Variants in CDH4 observed in about 807,000 individuals in gnomAD.
CDH4 encodes the protein cadherin 4, also known as cadherin-4.
Under a neutral mutation model 86.0 loss-of-function variants are expected in CDH4, and 33 were observed. The ratio of observed to expected loss-of-function variants is 0.38; its 90% CI spans 0.29 to 0.51. The LOEUF (loss-of-function observed/expected upper bound fraction) is 0.51. Among genes scored for constraint, CDH4 ranks in the 20% least tolerant of loss-of-function variants. The pLI is 0.86. For missense variants in CDH4, 1,114 were observed against 1,307.4 expected (o/e 0.85, Z 2.28); for synonymous variants, 555 against 549.4 (o/e 1.01, Z -0.14).
At chr20:61,294,540 C>T (rs1424278617) in intron 2 of CDH4, among the ~76,000 whole-genome samples, 1 of 152,250 alleles carries the variant, frequency 6.6e-6, no homozygotes, top group Non-Finnish European at 1.5e-5. Flanking sequence ...GGAAAGGCTG[C>T]AGAACTGGCC....
intron 3 of CDH4, among the ~76,000 whole-genome samples, chr20:61,761,296 A>G (rs966652503): frequency 2.6e-5 from 4 of 152,230 alleles, no homozygotes; most frequent in African/African-American, 9.7e-5. Flanking sequence ...GAACAGGAAG[A>G]CTGCGAATCA....
intron 2 of CDH4, among the ~76,000 whole-genome samples, chr20:61,260,486 C>T (rs1329148318): frequency 1.3e-5 from 2 of 152,290 alleles, no homozygotes; most frequent in African/African-American, 4.8e-5. Flanking sequence ...GGGGGTTTTG[C>T]CTCTGGTCAC....
intron 2 of CDH4, chr20:61,369,779 G>A (rs1366613324): frequency 6.6e-6 from 1 of 152,158 alleles, no homozygotes; most frequent in South Asian, 2.1e-4. Flanking sequence ...GGGCTCGGGG[G>A]CACTTCAGAC....
At position 61,518,426 on chromosome 20, in the gene CDH4, TGTCATCCACTCATCATCCATCATCC is replaced by T. The variant is rs780986677; in HGVS notation, c.170-225127_170-225103del. Among the ~76,000 whole-genome samples the T allele has an allele frequency of 3.3e-5, 5 of 152,106 alleles. No individual in the cohort carries two copies. Among genetic ancestry groups the T allele is most frequent in the Admixed American group, 6.5e-5 (1 of 15,282 alleles). ...ATGATGAGGCTGTCCATCATCCATC[TGTCATCCACTCATCATCCATCATCC>T]GTCATCCACCCATCGTCCATCCATC... is the stretch of plus-strand genomic sequence containing the variant. On this transcript the variant is annotated intron_variant, in intron 2 of 15. Transcript: ENST00000614565. This position sits in a 1 kb window ranked among gnomAD's most constrained non-coding sequence, Gnocchi z 6.3.
intron 4 of CDH4, among the ~76,000 whole-genome samples, chr20:61,804,091 C>T (rs894554037): frequency 7.2e-5 from 11 of 152,228 alleles, no homozygotes; most frequent in African/African-American, 1.7e-4. Context: ...TAAGGAGGCA[C>T]GACAGAAAAC....
intron 3 of CDH4, among the ~76,000 whole-genome samples, chr20:61,755,626 A>G (rs963299314): frequency 2.7e-5 from 4 of 150,046 alleles, no homozygotes; most frequent in Non-Finnish European, 4.4e-5. Context: ...ACCCACACAC[A>G]TGCCCCACAC....
chr20:61,812,907 G>T (rs569989523), intron 4 of CDH4, among the ~76,000 whole-genome samples: 8 of 152,258 alleles, frequency 5.3e-5, no homozygotes, highest in Admixed American at 4.6e-4. Flanking sequence ...AATCACAGCC[G>T]CCTGGTAACA....
chr20:61,496,765 T>C (rs1434314345), intron 2 of CDH4, among the ~76,000 whole-genome samples: 1 of 152,214 alleles, frequency 6.6e-6, no homozygotes, highest in African/African-American at 2.4e-5. Flanking sequence ...GCCACTGCTG[T>C]GATTTCTTCA....
intron 2 of CDH4, among the ~76,000 whole-genome samples, chr20:61,566,345 C>T (rs1005381782): frequency 5.9e-5 from 9 of 152,154 alleles, no homozygotes; most frequent in Admixed American, 2.0e-4. Context: ...GGAAAACATT[C>T]TTATTTTCTC....
At chr20:61,254,231 C>T (rs565263262) in intron 1 of CDH4, among the ~76,000 whole-genome samples, 2 of 152,162 alleles carry the variant, frequency 1.3e-5, no homozygotes, top group African/African-American at 2.4e-5. Flanking sequence ...GGTGGAAGCG[C>T]CCCCACTGCC....
Position 61,611,831 on chromosome 20 carries a change from C to A in CDH4, c.170-131732C>A, listed in dbSNP as rs935777128. Reference sequence around the variant, plus strand: ...TGAGCTCTCAAAAATGACTCTCCCACGTCTTGGGCTCCACCAGGGCTTCAC... The same window carrying A: ...TGAGCTCTCAAAAATGACTCTCCCAAGTCTTGGGCTCCACCAGGGCTTCAC... On this transcript the variant is annotated intron_variant, in intron 2 of 15. Coordinates refer to ENST00000614565, the MANE Select transcript of CDH4 (RefSeq NM_001794.5). 1.1e-3 allele frequency among the ~76,000 whole-genome samples: 173 copies of A among 152,054 alleles called. 4 individuals are homozygous for A. Among genetic ancestry groups the A allele is most frequent in the Admixed American group, 0.011 (167 of 15,284 alleles).
chr20:61,921,393 G>GT (rs1568889055), intron 9 of CDH4, among the ~76,000 whole-genome samples: 2 of 152,236 alleles, frequency 1.3e-5, no homozygotes, highest in East Asian at 1.9e-4. Flanking sequence ...GCAGGAGTAC[G>GT]TTTTTTTAAT....
At chr20:61,890,665 A>G (rs990802641) in intron 7 of CDH4, among the ~76,000 whole-genome samples, 2 of 152,210 alleles carry the variant, frequency 1.3e-5, no homozygotes, top group African/African-American at 4.8e-5. Context: ...GGGAGCAGGT[A>G]AGGGTTAACC....
intron 2 of CDH4, among the ~76,000 whole-genome samples, chr20:61,618,134 G>GT (rs2086740686): frequency 6.6e-6 from 1 of 152,084 alleles, no homozygotes; most frequent in African/African-American, 2.4e-5. Flanking sequence ...ATCAGCAGCC[G>GT]TGAGAACAGA....
chr20:61,673,100 A>C (rs2087408277), intron 2 of CDH4, among the ~76,000 whole-genome samples: 1 of 152,172 alleles, frequency 6.6e-6, no homozygotes, highest in South Asian at 2.1e-4. Flanking sequence ...GACGGCCTCT[A>C]GAAACTGGAA....
At chr20:61,851,428 C>T (rs1982721384) in intron 5 of CDH4, among the ~76,000 whole-genome samples, 1 of 152,226 alleles carries the variant, frequency 6.6e-6, no homozygotes, top group Admixed American at 6.5e-5. Context: ...CAGGGCCCCC[C>T]TGATCCCCTG....
chr20:61,574,705 C>T (rs1342592872), intron 2 of CDH4, among the ~76,000 whole-genome samples: 2 of 152,126 alleles, frequency 1.3e-5, no homozygotes, highest in Non-Finnish European at 2.9e-5. Context: ...GGAAGTGCTC[C>T]GGCCTCTCCA....
chr20:61,414,668 G>T lies in CDH4; in HGVS notation c.169+159731G>T, dbSNP rs545547928. Among the ~76,000 whole-genome samples, 3 of 152,342 alleles carry T rather than the reference G, an allele frequency of 2.0e-5. No individual in the cohort carries two copies. The East Asian group carries it at 5.8e-4, about 29-fold the overall frequency. On this transcript the variant is annotated intron_variant, in intron 2 of 15. Coordinates refer to ENST00000614565, the MANE Select transcript of CDH4 (RefSeq NM_001794.5). ...GGGGCATTGCTATAAACAGGGGCTT[G>T]CTGGCAGAGAGCTCATCCTGTCCTT...
At chr20:61,796,178 G>C (rs756986604) in intron 4 of CDH4, among the ~76,000 whole-genome samples, 3 of 152,100 alleles carry the variant, frequency 2.0e-5, no homozygotes, top group African/African-American at 7.2e-5. Flanking sequence ...CCTGTGAGGC[G>C]AGGAGTGTTA....
Sources: gnomAD v4.1 joint callset for allele counts (sites outside exome capture counted in the v4.1 genomes callset) on GRCh38, gnomAD v4.1.1 for gene constraint, Gnocchi (gnomAD v3.1) non-coding constraint, MANE v1.5 for transcripts, NCBI Gene and HGNC (gene_info 2026-07-23, HGNC 2026-07-21) for gene names.